The following CYP2B6 variants were observed in gnomAD, a reference collection of about 807,000 sequenced individuals.
CYP2B6 encodes cytochrome P450 family 2 subfamily B member 6.
A neutral mutation model predicts 43.4 loss-of-function variants in CYP2B6; 35 were observed. The observed-to-expected ratio is 0.81, with a 90% CI of 0.62 to 1.07. The LOEUF (loss-of-function observed/expected upper bound fraction) is 1.07. CYP2B6 is among the 50% of genes least tolerant of loss of function. The pLI is 0.00. For missense variants in CYP2B6, 624 were observed against 632.8 expected (o/e 0.99, Z 0.15); for synonymous variants, 239 against 239.2 (o/e 1.00, Z 0.01).
At chr19:41,016,433 AAG>A (rs1555793763) in intron 8 of CYP2B6, among the ~76,000 whole-genome samples, 6 of 98,958 alleles carry the variant, frequency 6.1e-5, no homozygotes, top group East Asian at 3.4e-4. Flanking sequence ...AAAAAAAAAA[AAG>A]AGAGAGAGAG....
At chr19:40,991,999 C>T (rs1466110953) in intron 1 of CYP2B6, among the ~76,000 whole-genome samples, 8 of 151,896 alleles carry the variant, frequency 5.3e-5, no homozygotes, top group Admixed American at 6.6e-5. Flanking sequence ...GTCAGGAGTT[C>T]GAGACCAGCC....
In CYP2B6 at chr19:41,017,375, A is replaced by C. The variant is rs1969387770; in HGVS notation, c.*548A>C. On this transcript the variant is annotated 3_prime_UTR_variant, in exon 9 of 9. Transcript: ENST00000324071. ...TATATAATTTTAAAAATTAAGCTGA[A>C]ATTCACATAACATAAAATTAGCTGT... The C allele has an allele frequency of 6.6e-6, 1 of 152,162 alleles. No homozygotes were observed. Among genetic ancestry groups the C allele is most frequent in the Non-Finnish European group, 1.5e-5 (1 of 68,046 alleles). 9.4% of individuals were successfully genotyped at this position (152,162 alleles called of 1,614,324 possible). A position where few individuals can be genotyped will look rare whatever the true frequency, so the allele number is the denominator to read the frequency against.
chr19:41,012,584 T>C, intron 7 of CYP2B6, 90 bp from the exon 8 acceptor site: 2 of 1,609,208 alleles, frequency 1.2e-6, no homozygotes, highest in Non-Finnish European at 8.5e-7. Flanking sequence ...TTGAGTCCCG[T>C]TGTTTTTGTT....
intron 8 of CYP2B6, among the ~76,000 whole-genome samples, chr19:41,016,433 A>AAAGAGAG (rs1568564700): frequency 3.0e-5 from 3 of 99,006 alleles, no homozygotes; most frequent in Admixed American, 1.1e-4. Context: ...AAAAAAAAAA[A>AAAGAGAG]AGAGAGAGAG....
At chr19:41,010,925 G>T (rs1969273801) in intron 6 of CYP2B6, among the ~76,000 whole-genome samples, 1 of 151,950 alleles carries the variant, frequency 6.6e-6, no homozygotes, top group East Asian at 1.9e-4. Context: ...CTTAAAAATC[G>T]ATCCATCCAC....
At chr19:41,009,719 A>C (rs1969248449) in intron 5 of CYP2B6, 3 of 595,318 alleles carry the variant, frequency 5.0e-6, no homozygotes, top group Non-Finnish European at 8.9e-6. Flanking sequence ...AAGAGAAAAA[A>C]CTCACAGAGG....
intron 1 of CYP2B6, among the ~76,000 whole-genome samples, chr19:41,000,693 G>T (rs188606568): frequency 2.6e-5 from 4 of 152,202 alleles, no homozygotes; most frequent in East Asian, 1.9e-4. Flanking sequence ...GATTTTCCAG[G>T]TGTCATTTAC....
intron 5 of CYP2B6, 34 bp from the exon 6 acceptor site, chr19:41,009,959 CT>C: frequency 6.2e-7 from 1 of 1,613,732 alleles, no homozygotes; most frequent in South Asian, 1.1e-5. Flanking sequence ...ACAGCCTCCC[CT>C]GACCCTCCCC....
chr19:41,011,568 A>C (rs35679971), intron 6 of CYP2B6, among the ~76,000 whole-genome samples: 7,845 of 152,288 alleles, frequency 0.052, 231 homozygotes, highest in Middle Eastern at 0.092. Context: ...TCATGAATTC[A>C]TCTATTGTTC....
At position 40,996,131 on chromosome 19, in the gene CYP2B6, T is replaced by G. The variant is rs576440153; in HGVS notation, c.171+4655T>G. 4.6e-5 allele frequency among the ~76,000 whole-genome samples: 7 copies of G among 151,948 alleles called. No homozygotes were observed. The South Asian group carries it at 1.3e-3, about 27-fold the overall frequency. ...GTAATAAACTTTGAGGGATGTGGAG[T>G]TGGGGAGTATAGGTAAGGTCCACTG... On this transcript the variant is annotated intron_variant, in intron 1 of 8. Transcript: ENST00000324071.
rs1969240478 is a variant in CYP2B6, at chr19:41,009,272, A to G, written c.699A>G (p.Gln233=). The stretch of plus-strand genomic sequence containing the variant: ...AATACTTTCCTGGGGCACACAGGCA[A>G]GTTTACAAAAACCTGCAGGAAATCA... The part of the protein sequence containing the change: ...FLKYFPGAHR[Q]VYKNLQEINA... Residue 233 remains glutamine (Q), a synonymous_variant, in exon 5 of 9, where the codon CAA becomes CAG. Transcript: ENST00000324071. 1 of 1,612,916 alleles carries G rather than the reference A, an allele frequency of 6.2e-7. No individual in the cohort carries two copies. Among genetic ancestry groups the G allele is most frequent in the East Asian group, 2.2e-5 (1 of 44,882 alleles).
chr19:40,998,147 C>T (rs147064367), intron 1 of CYP2B6, among the ~76,000 whole-genome samples: 14 of 152,072 alleles, frequency 9.2e-5, no homozygotes, highest in Non-Finnish European at 1.5e-4. Context: ...CATTTAGGAA[C>T]GTGTGTATAG....
At chr19:41,001,504 G>GT (rs1969087170) in intron 1 of CYP2B6, among the ~76,000 whole-genome samples, 1 of 152,048 alleles carries the variant, frequency 6.6e-6, no homozygotes, top group Admixed American at 6.5e-5. Flanking sequence ...ATGTGGGCTC[G>GT]TGTCTCAGAT....
chr19:41,003,036 C>T (rs1969120365), intron 1 of CYP2B6, among the ~76,000 whole-genome samples: 1 of 152,142 alleles, frequency 6.6e-6, no homozygotes, highest in African/African-American at 2.4e-5. Context: ...TATTGATGAG[C>T]ATTTTATTAA....
intron 5 of CYP2B6, chr19:41,009,614 GA>G (rs1338449571): frequency 2.1e-5 from 13 of 631,740 alleles, no homozygotes; most frequent in Non-Finnish European, 3.3e-5. Flanking sequence ...GACAGGGAGA[GA>G]GGGGAGGTGG....
chr19:40,998,240 T>C (rs983485692), intron 1 of CYP2B6, among the ~76,000 whole-genome samples: 1 of 152,138 alleles, frequency 6.6e-6, no homozygotes, highest in Non-Finnish European at 1.5e-5. Flanking sequence ...GCAGACGCTA[T>C]CTGGGCACAA....
rs140703188 is a variant in CYP2B6, at chr19:40,994,705, G to A, written c.171+3229G>A. Among the ~76,000 whole-genome samples, 5 of 152,174 alleles carry A rather than the reference G, an allele frequency of 3.3e-5. No individual in the cohort carries two copies. In the East Asian group the frequency reaches 9.6e-4, roughly 29 times the overall value. ...AGGTAGTCCCCAGGTCTTGCATACG[G>A]GATGCCTGGAAGCAAAATATGCCTT... On this transcript the variant is annotated intron_variant, in intron 1 of 8. Coordinates refer to ENST00000324071, the MANE Select transcript of CYP2B6 (RefSeq NM_000767.5).
rs561756546 is a variant in CYP2B6, at chr19:41,016,992, A to T, written c.*165A>T. ...GTTGTCTGAGGTCACATTGCAAGTG[A>T]GTGCAGGAGTGAGATTATCGAAAAT... is the stretch of plus-strand genomic sequence containing the variant. On this transcript the variant is annotated 3_prime_UTR_variant, in exon 9 of 9. Transcript: ENST00000324071. 8 of 621,206 alleles carry T rather than the reference A, an allele frequency of 1.3e-5. No individual in the cohort carries two copies. The East Asian group carries it at 1.9e-4, about 15-fold the overall frequency. 38.5% of individuals were successfully genotyped at this position (621,206 alleles called of 1,614,324 possible).
In CYP2B6 at chr19:41,009,980, T is replaced by C; in HGVS notation, c.823-14T>C. 1 of 1,614,078 alleles carries C rather than the reference T, an allele frequency of 6.2e-7. No individual in the cohort carries two copies. Among genetic ancestry groups the C allele is most frequent in the Non-Finnish European group, 8.5e-7 (1 of 1,180,002 alleles). On this transcript the variant is annotated splice_polypyrimidine_tract_variant and intron_variant, in intron 5 of 8. Coordinates refer to ENST00000324071, the MANE Select transcript of CYP2B6 (RefSeq NM_000767.5). ...TCCCCTGACCCTCCCCTTCCTTCCC[T>C]ACTGTGGACGCAGGAGAAATCCAAC...
Sources: gnomAD v4.1 joint callset for allele counts (sites outside exome capture counted in the v4.1 genomes callset) on GRCh38, gnomAD v4.1.1 for gene constraint, MANE v1.5 for transcripts, NCBI Gene and HGNC (gene_info 2026-07-23, HGNC 2026-07-21) for gene names.